LSM12: variants seen among roughly 807,000 people sequenced by gnomAD.
The protein encoded by LSM12 is protein LSM12.
For synonymous variants in LSM12, 74 were observed against 87.3 expected, an observed-to-expected ratio of 0.85 and a Z score of 0.85; for missense variants, 108 against 238.9, an observed-to-expected ratio of 0.45 and a Z score of 3.61.
intron 2 of LSM12, among the ~76,000 whole-genome samples, chr17:44,054,193 C>T (rs185976315): frequency 7.9e-5 from 12 of 152,328 alleles, no homozygotes; most frequent in Admixed American, 5.2e-4. Flanking sequence ...GACTGCCATG[C>T]ACTATAACCT....
chr17:44,049,097 A>G (rs1024574560), intron 2 of LSM12, among the ~76,000 whole-genome samples: 8 of 152,262 alleles, frequency 5.3e-5, no homozygotes, highest in African/African-American at 1.9e-4. Context: ...AGGCTGAGGC[A>G]GGACAATCAC....
intron 1 of LSM12, 92 bp downstream of exon 1, chr17:44,066,372 G>C (rs1045655310): frequency 6.8e-7 from 1 of 1,466,536 alleles, no homozygotes; most frequent in Non-Finnish European, 9.1e-7. Flanking sequence ...CCTAGGCCCG[G>C]AGAGAGCCCC....
chr17:44,063,927 G>A lies in LSM12; in HGVS notation c.132C>T (p.Pro44=), dbSNP rs769554854. The change falls in exon 2 of 5, where the codon CCC becomes CCT. Residue 44 remains proline, a synonymous_variant. Coordinates refer to ENST00000293406, the MANE Select transcript of LSM12 (RefSeq NM_001371445.1). ...CATGGTTGGGCTTTCCACTGGAAGA[G>A]GGACATTCTGGTGAGAAAAAAAAAA... The part of the protein sequence containing the change: ...YQSKMLALKC[P]SSSGKPNHAD... 4.0e-5 allele frequency: 65 copies of A among 1,612,722 alleles called. No homozygotes were observed. The South Asian group carries it at 7.0e-4, about 17-fold the overall frequency.
intron 2 of LSM12, among the ~76,000 whole-genome samples, chr17:44,041,286 A>ACACACAC (rs1555623711): frequency 1.8e-5 from 2 of 113,532 alleles, no homozygotes; most frequent in Non-Finnish European, 3.4e-5. Context: ...AAAAAAAAAA[A>ACACACAC]ACAAACACAC....
chr17:44,065,481 T>A, intron 1 of LSM12, among the ~76,000 whole-genome samples: 1 of 141,206 alleles, frequency 7.1e-6, no homozygotes, highest in East Asian at 2.1e-4. Flanking sequence ...AAATTACTCC[T>A]CCAAAAAAAA....
intron 3 of LSM12, among the ~76,000 whole-genome samples, chr17:44,038,077 G>A (rs532453307): frequency 7.2e-5 from 11 of 152,208 alleles, no homozygotes; most frequent in Non-Finnish European, 1.0e-4. Flanking sequence ...GGTCGGGCGC[G>A]GTGGCTCACA....
intron 2 of LSM12, among the ~76,000 whole-genome samples, chr17:44,062,345 T>C (rs548619269): frequency 1.3e-5 from 2 of 151,974 alleles, no homozygotes; most frequent in African/African-American, 4.8e-5. Context: ...ACAAATGATA[T>C]GGTCACCTTA....
At chr17:44,037,384 C>G in intron 4 of LSM12, 28 bp downstream of exon 4, 1 of 1,562,418 alleles carries the variant, frequency 6.4e-7, no homozygotes, top group Non-Finnish European at 8.6e-7. Flanking sequence ...TCCTCTCTCC[C>G]CTAAAGTCTG....
intron 2 of LSM12, among the ~76,000 whole-genome samples, chr17:44,052,441 C>A (rs1292757121): frequency 6.6e-6 from 1 of 152,028 alleles, no homozygotes; most frequent in Admixed American, 6.6e-5. Context: ...CAGAGCAAGA[C>A]AACAGAGCAA....
chr17:44,060,672 T>C (rs566197636), intron 2 of LSM12, among the ~76,000 whole-genome samples: 15 of 152,346 alleles, frequency 9.8e-5, no homozygotes, highest in Middle Eastern at 3.4e-3. Flanking sequence ...CCCCAAGCTA[T>C]TACTTCCTGC....
chr17:44,062,870 C>A (rs1262010130), intron 2 of LSM12, among the ~76,000 whole-genome samples: 6 of 151,184 alleles, frequency 4.0e-5, no homozygotes, highest in Non-Finnish European at 5.9e-5. Flanking sequence ...TAAAATAAAA[C>A]AAATTAGCCG....
At chr17:44,042,341 T>A (rs2049506088) in intron 2 of LSM12, among the ~76,000 whole-genome samples, 1 of 152,170 alleles carries the variant, frequency 6.6e-6, no homozygotes, top group South Asian at 2.1e-4. Flanking sequence ...ACCTTAATGC[T>A]TGGAATCTTC....
chr17:44,065,291 AT>A (rs1206710290), intron 1 of LSM12, among the ~76,000 whole-genome samples: 1 of 151,268 alleles, frequency 6.6e-6, no homozygotes, highest in Non-Finnish European at 1.5e-5. Context: ...ATATACAAAA[AT>A]TAGCTGGGCG....
chr17:44,064,108 C>A (rs1442969815), intron 1 of LSM12, among the ~76,000 whole-genome samples, 174 bp from the exon 2 acceptor site: 1 of 152,204 alleles, frequency 6.6e-6, no homozygotes, highest in Non-Finnish European at 1.5e-5. Flanking sequence ...TCACCTTCCT[C>A]CTGCCCAAAT....
At chr17:44,064,867 C>G (rs1430140513) in intron 1 of LSM12, among the ~76,000 whole-genome samples, 1 of 152,180 alleles carries the variant, frequency 6.6e-6, no homozygotes, top group Non-Finnish European at 1.5e-5. Context: ...CGCGCGGTGG[C>G]TCACGCTGGT....
intron 2 of LSM12, among the ~76,000 whole-genome samples, chr17:44,057,172 C>T (rs1222031737): frequency 2.1e-5 from 3 of 144,384 alleles, no homozygotes; most frequent in Admixed American, 6.9e-5. Flanking sequence ...TTTTTTGAGA[C>T]GGAGTCTCGC....
chr17:44,042,995 G>A (rs1052022077), intron 2 of LSM12, among the ~76,000 whole-genome samples: 2 of 152,140 alleles, frequency 1.3e-5, no homozygotes, highest in Non-Finnish European at 2.9e-5. Context: ...GAGCCACCAC[G>A]CCTGGCTCCA....
At chr17:44,063,982 C>CT in intron 1 of LSM12, 48 bp from the exon 2 acceptor site, 1 of 1,596,178 alleles carries the variant, frequency 6.3e-7, no homozygotes, top group Non-Finnish European at 8.5e-7. Context: ...AGCAGAGGCA[C>CT]TGACACATCC....
At chr17:44,046,752 T>C (rs1414189183) in intron 2 of LSM12, among the ~76,000 whole-genome samples, 1 of 117,854 alleles carries the variant, frequency 8.5e-6, no homozygotes, top group African/African-American at 3.5e-5. Context: ...GTTTTCTTTT[T>C]TTTTTTCTTT....
Sources: allele counts gnomAD v4.1 joint callset (sites outside exome capture counted in the v4.1 genomes callset), GRCh38; gene constraint gnomAD v4.1.1; transcripts MANE v1.5; gene names NCBI Gene and HGNC (gene_info 2026-07-23, HGNC 2026-07-21).